Variants in NDRG2 observed in about 807,000 individuals in gnomAD.
The protein encoded by NDRG2 is protein NDRG2.
NDRG2 carries 34 observed loss-of-function variants against 58.2 expected under a neutral mutation model. The observed-to-expected ratio is 0.58, with a 90% CI of 0.44 to 0.78. NDRG2 has a LOEUF of 0.78. Among genes scored for constraint, NDRG2 ranks in the 30% least tolerant of loss-of-function variants. The pLI, the probability that NDRG2 is intolerant of heterozygous loss-of-function variation, is 0.00. For missense variants in NDRG2, 434 were observed against 471.2 expected (o/e 0.92, Z 0.73); for synonymous variants, 187 against 175.9 (o/e 1.06, Z -0.50).
At chr14:21,045,862 A>G (rs971140631) in intron 1 of NDRG2, among the ~76,000 whole-genome samples, 8 of 152,314 alleles carry the variant, frequency 5.3e-5, no homozygotes, top group Non-Finnish European at 1.0e-4. Flanking sequence ...GTGAAGGGGC[A>G]TGGGGGAGCC....
chr14:21,070,717 G>A lies in NDRG2; in HGVS notation c.24+111C>T. On this transcript the variant is annotated intron_variant, in intron 1 of 14. Coordinates refer to the NDRG2 transcript ENST00000403829. The surrounding 1 kb of genome is among the most constrained non-coding windows in gnomAD (Gnocchi z 4.7). Reference sequence around the variant, plus strand: ...GTCCTGACCTGTGCCTTCCTTTCCTGGAGCTTCCCTCCCCCTCCTGGTCCG... The same window carrying A: ...GTCCTGACCTGTGCCTTCCTTTCCTAGAGCTTCCCTCCCCCTCCTGGTCCG... 7.9e-7 allele frequency: 1 copy of A among 1,271,122 alleles called. No individual in the cohort carries two copies. The highest frequency in any genetic ancestry group is 2.5e-5 in the East Asian group (1 of 39,396). The allele number at this position is 1,271,122 out of a possible 1,614,324, so 78.7% of individuals were successfully genotyped here. A position where few individuals can be genotyped will look rare whatever the true frequency, so the allele number is the denominator to read the frequency against.
At chr14:21,031,704 C>T (rs774049458) in intron 1 of NDRG2, among the ~76,000 whole-genome samples, 2 of 152,256 alleles carry the variant, frequency 1.3e-5, no homozygotes, top group East Asian at 1.9e-4. Flanking sequence ...CCTCCTCCCC[C>T]ATGAGTGAAC....
Position 21,017,379 on chromosome 14 carries a change from T to C in NDRG2, c.*217A>G. ...GGGGGAGGAGGAGAATTTAGGGGTC[T>C]GGGTCCCTAAGAGATATTAGGACAT... On this transcript the variant is annotated 3_prime_UTR_variant, in exon 16 of 16. Coordinates refer to ENST00000556147, the MANE Select transcript of NDRG2 (RefSeq NM_001320329.2). 1 of 608,444 alleles carries C rather than the reference T, an allele frequency of 1.6e-6. No homozygotes were observed. Among genetic ancestry groups the C allele is most frequent in the Admixed American group, 3.0e-5 (1 of 33,258 alleles). 37.7% of individuals were successfully genotyped at this position (608,444 alleles called of 1,614,324 possible).
chr14:21,053,234 G>C (rs1323326100), intron 1 of NDRG2, among the ~76,000 whole-genome samples: 2 of 152,184 alleles, frequency 1.3e-5, no homozygotes, highest in East Asian at 3.9e-4. Flanking sequence ...TGTAATATCA[G>C]TACTTTGGGA....
At chr14:21,026,628 A>G (rs1191366965), upstream of NDRG2, among the ~76,000 whole-genome samples, 1 of 151,866 alleles carries the variant, frequency 6.6e-6, no homozygotes, top group Admixed American at 6.5e-5. Flanking sequence ...GAGGTGACCC[A>G]CAGTAGGAAA....
At chr14:21,020,223 A>G (rs28666002) in intron 8 of NDRG2, 38,630 of 548,502 alleles carry the variant, frequency 0.07, 1,873 homozygotes, top group African/African-American at 0.17. Context: ...GAACCCAGGA[A>G]GCAGAGGTTG....
At chr14:21,064,592 G>A (rs894602996) in intron 1 of NDRG2, among the ~76,000 whole-genome samples, 3 of 152,056 alleles carry the variant, frequency 2.0e-5, no homozygotes, top group African/African-American at 4.8e-5. Flanking sequence ...GTGAGCCACC[G>A]CACCCAGCCT....
At chr14:21,035,520 T>C (rs1884563215) in intron 1 of NDRG2, among the ~76,000 whole-genome samples, 1 of 152,224 alleles carries the variant, frequency 6.6e-6, no homozygotes, top group Admixed American at 6.5e-5. Context: ...TCAGCCTTGT[T>C]AGTCTGCAAG....
At chr14:21,033,596 A>G in intron 1 of NDRG2, 2 of 583,520 alleles carry the variant, frequency 3.4e-6, no homozygotes. Flanking sequence ...GATGATGAGG[A>G]GGTGGGGGCG....
chr14:21,026,638 A>G (rs2139057693), upstream of NDRG2, among the ~76,000 whole-genome samples: 1 of 152,038 alleles, frequency 6.6e-6, no homozygotes, highest in East Asian at 1.9e-4. Context: ...ACAGTAGGAA[A>G]ACTGGTCGGG....
rs568210531 is a variant in NDRG2 at position 21,039,362 on chromosome 14, A to G, written c.25-16041T>C. On this transcript the variant is annotated intron_variant, in intron 1 of 14. Coordinates refer to the NDRG2 transcript ENST00000403829. ...GATAGAATGAGAAGGAAGCAGGGGT[A>G]GAGATTGCTGGTGTAAGGGACTTTT... 2.6e-5 allele frequency among the ~76,000 whole-genome samples: 4 copies of G among 152,298 alleles called. No individual in the cohort carries two copies. In the South Asian group the frequency reaches 8.3e-4, roughly 32 times the overall value.
chr14:21,038,418 T>G (rs1019500989), intron 1 of NDRG2, among the ~76,000 whole-genome samples: 3 of 152,168 alleles, frequency 2.0e-5, no homozygotes, highest in African/African-American at 7.2e-5. Context: ...GGCAGAAAAT[T>G]ATACATTCTG....
chr14:21,057,920 C>T (rs12437266), intron 1 of NDRG2: 954,358 of 1,613,268 alleles, frequency 0.59, 284,163 homozygotes, highest in Non-Finnish European at 0.61. Context: ...AGGATGCTGC[C>T]CCCTGCTGCT....
In NDRG2 at chr14:21,019,169, G is replaced by A. The variant is rs1335196708; in HGVS notation, c.717-9C>T. 1.9e-6 allele frequency: 3 copies of A among 1,608,936 alleles called. No homozygotes were observed. Among genetic ancestry groups the A allele is most frequent in the African/African-American group, 1.3e-5 (1 of 74,464 alleles). ...AGTTCAGGTCTCGGCGGCTAGAAAGGGGTTAAAAGAGTAGGAATTTTAGGT... is the reference window on the plus strand; with the variant it reads ...AGTTCAGGTCTCGGCGGCTAGAAAGAGGTTAAAAGAGTAGGAATTTTAGGT... On this transcript the variant is annotated splice_polypyrimidine_tract_variant and intron_variant, in intron 10 of 15. Transcript: ENST00000556147.
rs77735900 is a variant in NDRG2, at chr14:21,055,460, G to C, written c.24+15368C>G. On this transcript the variant is annotated intron_variant, in intron 1 of 14. Transcript: ENST00000403829. ...AAACCTCCCAGATTCTAAGCACTGA[G>C]CCTCAAGTGCTTAATGGATAAAACA... 7.8e-3 allele frequency among the ~76,000 whole-genome samples: 1,185 copies of C among 152,236 alleles called. 19 individuals carry two copies. Among genetic ancestry groups the C allele is most frequent in the African/African-American group, 0.028 (1,145 of 41,534 alleles).
rs1221412420 is a variant in NDRG2 at position 21,070,807 on chromosome 14, C to T, written c.24+21G>A. On this transcript the variant is annotated intron_variant, in intron 1 of 14. Coordinates refer to the NDRG2 transcript ENST00000403829. This position sits in a 1 kb window ranked among gnomAD's most constrained non-coding sequence, Gnocchi z 4.7. ...CAGCGACCCTGGAAGAGGCCCGGCC[C>T]CTCGGGTCATGAGAACTGACCTGCA... is the stretch of plus-strand genomic sequence containing the variant. The T allele has an allele frequency of 5.9e-6, 9 of 1,535,512 alleles. No homozygotes were observed. The highest frequency in any genetic ancestry group is 7.8e-6 in the Non-Finnish European group (9 of 1,146,856).
At chr14:21,020,686 C>A in intron 7 of NDRG2, 98 bp downstream of exon 7, 2 of 1,579,388 alleles carry the variant, frequency 1.3e-6, no homozygotes, top group South Asian at 2.2e-5. Flanking sequence ...TGACTCCCCA[C>A]CTAGTGCCCA....
At chr14:21,045,831 T>C (rs905266429) in intron 1 of NDRG2, among the ~76,000 whole-genome samples, 2 of 152,210 alleles carry the variant, frequency 1.3e-5, no homozygotes, top group African/African-American at 4.8e-5. Context: ...AGAATAGTTG[T>C]AGCCTTGGGG....
intron 1 of NDRG2, chr14:21,057,991 AT>A: frequency 1.2e-6 from 2 of 1,614,038 alleles, no homozygotes; most frequent in South Asian, 2.2e-5. Flanking sequence ...AGGACATGAC[AT>A]CATCTCAGTG....
Sources: allele counts gnomAD v4.1 joint callset (sites outside exome capture counted in the v4.1 genomes callset), GRCh38; gene constraint gnomAD v4.1.1; non-coding constraint Gnocchi (gnomAD v3.1); transcripts MANE v1.5; gene names NCBI Gene and HGNC (gene_info 2026-07-23, HGNC 2026-07-21).